Variants in RTP2 observed in about 807,000 individuals in gnomAD.
RTP2 encodes receptor transporter protein 2.
In RTP2, 12 loss-of-function variants were observed where a neutral mutation model predicts 17.9. The ratio of observed to expected loss-of-function variants is 0.67; its 90% CI spans 0.43 to 1.09. The LOEUF (loss-of-function observed/expected upper bound fraction) is 1.09, where lower values mean the gene tolerates loss of function less well. Ranked by LOEUF, RTP2 falls within the 50% of genes least tolerant of loss-of-function variation. The pLI, the probability that RTP2 is intolerant of heterozygous loss-of-function variation, is 0.00. For missense variants in RTP2, 327 were observed against 295.7 expected (o/e 1.11, Z -0.78); for synonymous variants, 126 against 117.7 (o/e 1.07, Z -0.46).
the RTP2 span, among the ~76,000 whole-genome samples, chr3:187,715,033 TCAGGTTACAGGTTA>T: frequency 0.015 from 2,224 of 151,942 alleles, 51 homozygotes; most frequent in African/African-American, 0.05. Context: ...GCAGGGCAAT[TCAGGTTACAGGTTA>T]CAGGTTACAG....
chr3:187,699,347 T>C (rs1049430223), intron 1 of RTP2, among the ~76,000 whole-genome samples: 3 of 152,136 alleles, frequency 2.0e-5, no homozygotes. Flanking sequence ...CCCCCCTCTC[T>C]GGGCTTCATT....
At chr3:187,698,886 T>G (rs762825927) in exon 2 of RTP2, 1 of 1,612,236 alleles carries the variant, frequency 6.2e-7, no homozygotes, top group Non-Finnish European at 8.5e-7. Context: ...GCCGCACTCA[T>G]AGCACAGCTG....
the RTP2 span, among the ~76,000 whole-genome samples, chr3:187,714,382 G>T: frequency 6.6e-6 from 1 of 152,192 alleles, no homozygotes; most frequent in Non-Finnish European, 1.5e-5. Context: ...GTAGATCTCC[G>T]AAAGAAAGAT....
upstream of RTP2, among the ~76,000 whole-genome samples, chr3:187,703,812 A>C (rs1350797998): frequency 6.6e-6 from 1 of 152,166 alleles, no homozygotes; most frequent in African/African-American, 2.4e-5. Context: ...TAAAGGAAAA[A>C]CAGAAAGAGG....
chr3:187,701,859 T>C, intron 1 of RTP2, 106 bp downstream of exon 1: 2 of 978,464 alleles, frequency 2.0e-6, no homozygotes, highest in Middle Eastern at 2.6e-4. Flanking sequence ...CCATCTGAGC[T>C]GACACCAGAA....
At chr3:187,699,756 C>G (rs1292468268) in intron 1 of RTP2, among the ~76,000 whole-genome samples, 2 of 57,204 alleles carry the variant, frequency 3.5e-5, no homozygotes, top group Non-Finnish European at 7.0e-5. Context: ...CACACACACA[C>G]ACACACACAC....
the RTP2 span, among the ~76,000 whole-genome samples, chr3:187,714,846 T>TG: frequency 2.0e-5 from 3 of 151,992 alleles, no homozygotes; most frequent in Non-Finnish European, 4.4e-5. Context: ...GTTTGGGAAA[T>TG]GGTGAGCTTC....
At chr3:187,704,358 A>G (rs1207989157), upstream of RTP2, among the ~76,000 whole-genome samples, 1 of 152,166 alleles carries the variant, frequency 6.6e-6, no homozygotes, top group Non-Finnish European at 1.5e-5. Flanking sequence ...AAAGTAATGA[A>G]GAGTTGAAAA....
At chr3:187,712,352 C>G in the RTP2 span, among the ~76,000 whole-genome samples, 1 of 152,124 alleles carries the variant, frequency 6.6e-6, no homozygotes, top group African/African-American at 2.4e-5. Flanking sequence ...CTTTTAAATG[C>G]TCCTAGTATA....
At chr3:187,710,816 T>C in the RTP2 span, among the ~76,000 whole-genome samples, 1 of 152,136 alleles carries the variant, frequency 6.6e-6, no homozygotes, top group African/African-American at 2.4e-5. Context: ...AAAAATTCTC[T>C]GGCGATGTCA....
chr3:187,707,658 G>A, the RTP2 span, among the ~76,000 whole-genome samples: 1 of 152,106 alleles, frequency 6.6e-6, no homozygotes, highest in African/African-American at 2.4e-5. Flanking sequence ...TTAACACCCT[G>A]GCAAAGTTGA....
chr3:187,704,557 A>G (rs1163911042), upstream of RTP2, among the ~76,000 whole-genome samples: 1 of 152,148 alleles, frequency 6.6e-6, no homozygotes, highest in African/African-American at 2.4e-5. Flanking sequence ...GAGGCCAAAA[A>G]TGAAAAACAA....
chr3:187,706,538 G>T (rs1448840119), upstream of RTP2, among the ~76,000 whole-genome samples: 1 of 152,182 alleles, frequency 6.6e-6, no homozygotes. Flanking sequence ...GTTAAATTTG[G>T]ATATAGAGTG....
chr3:187,700,084 G>A (rs543086141), intron 1 of RTP2, among the ~76,000 whole-genome samples: 1 of 152,192 alleles, frequency 6.6e-6, no homozygotes, highest in Admixed American at 6.5e-5. Context: ...TGGATCCATT[G>A]TATGATGGCC....
exon 2 of RTP2, chr3:187,698,712 C>A: frequency 1.2e-6 from 2 of 1,614,084 alleles, no homozygotes; most frequent in Middle Eastern, 1.7e-4. Flanking sequence ...GCAGGCCTCA[C>A]AGAACTCTGC....
upstream of RTP2, among the ~76,000 whole-genome samples, chr3:187,707,388 A>C (rs1039141821): frequency 1.3e-5 from 2 of 152,226 alleles, no homozygotes; most frequent in East Asian, 3.9e-4. Flanking sequence ...TTGTCACAGC[A>C]GGTAGGGAAG....
chr3:187,715,454 T>C, the RTP2 span, among the ~76,000 whole-genome samples: 1 of 151,832 alleles, frequency 6.6e-6, no homozygotes, highest in Admixed American at 6.6e-5. Flanking sequence ...TGAATGTATA[T>C]GAAGAAGGTA....
At chr3:187,700,785 C>G (rs1488174115) in intron 1 of RTP2, among the ~76,000 whole-genome samples, 1 of 152,216 alleles carries the variant, frequency 6.6e-6, no homozygotes, top group Non-Finnish European at 1.5e-5. Context: ...CATGTACACA[C>G]AGCTAGTTAG....
the RTP2 span, among the ~76,000 whole-genome samples, chr3:187,708,980 T>C: frequency 6.6e-6 from 1 of 151,750 alleles, no homozygotes; most frequent in Admixed American, 6.6e-5. Flanking sequence ...TTTTTTTTTT[T>C]TTCTGTCTTC....
Sources: allele counts gnomAD v4.1 joint callset (sites outside exome capture counted in the v4.1 genomes callset), GRCh38; gene constraint gnomAD v4.1.1; transcripts MANE v1.5; gene names NCBI Gene and HGNC (gene_info 2026-07-23, HGNC 2026-07-21).